ZNF469: variants seen among roughly 807,000 people sequenced by gnomAD.
The protein encoded by ZNF469 is zinc finger protein 469.
Under a neutral mutation model 1.0 loss-of-function variants are expected in ZNF469, and 1 was observed. That is an observed-to-expected ratio of 1.00 (90% CI 0.35 to 4.73). The LOEUF (loss-of-function observed/expected upper bound fraction) is 4.73. Ranked by LOEUF, ZNF469 falls within the 30% of genes most tolerant of loss-of-function variation. The pLI is 0.16. For synonymous variants in ZNF469, 2,703 were observed against 2,363.4 expected (o/e 1.14, Z -4.17); for missense variants, 6,100 against 5,356.3 (o/e 1.14, Z -4.33).
At chr16:88,168,126 G>A in the ZNF469 span, among the ~76,000 whole-genome samples, 1 of 152,182 alleles carries the variant, frequency 6.6e-6, no homozygotes, top group African/African-American at 2.4e-5. This position sits in a 1 kb window ranked among gnomAD's most constrained non-coding sequence, Gnocchi z 4.3. Flanking sequence ...AATTGGCACC[G>A]GGGTAGCCTT....
At chr16:88,210,319 A>G in the ZNF469 span, among the ~76,000 whole-genome samples, 1 of 151,718 alleles carries the variant, frequency 6.6e-6, no homozygotes, top group African/African-American at 2.4e-5. Flanking sequence ...TGTTATAAAT[A>G]TTTCTCCTAA....
the ZNF469 span, among the ~76,000 whole-genome samples, chr16:88,322,366 G>A: frequency 6.6e-6 from 1 of 152,356 alleles, no homozygotes; most frequent in South Asian, 2.1e-4. Context: ...CTGCGAGGCT[G>A]GGAGGCAATG....
the ZNF469 span, among the ~76,000 whole-genome samples, chr16:88,321,700 C>A: frequency 6.6e-6 from 1 of 151,818 alleles, no homozygotes; most frequent in Non-Finnish European, 1.5e-5. Context: ...GCCTCAGATT[C>A]TGCATGTAAG....
At chr16:88,406,560 A>G (rs1905034618) in intron 1 of ZNF469, among the ~76,000 whole-genome samples, 1 of 152,162 alleles carries the variant, frequency 6.6e-6, no homozygotes, top group South Asian at 2.1e-4. Context: ...TCTCATTACA[A>G]AAGCTGTCCC....
At chr16:88,268,538 C>G in the ZNF469 span, among the ~76,000 whole-genome samples, 1 of 152,170 alleles carries the variant, frequency 6.6e-6, no homozygotes, top group Admixed American at 6.5e-5. Context: ...AATTTGAGTT[C>G]TCCTGGCGTT....
At chr16:88,292,888 C>T in the ZNF469 span, among the ~76,000 whole-genome samples, 6 of 151,350 alleles carry the variant, frequency 4.0e-5, no homozygotes, top group Admixed American at 6.6e-5. Context: ...GATCCTTTAT[C>T]GGACACTGGT....
At chr16:88,168,920 A>ACC in the ZNF469 span, among the ~76,000 whole-genome samples, 819 of 150,400 alleles carry the variant, frequency 5.4e-3, 7 homozygotes, top group African/African-American at 0.019. This position sits in a 1 kb window ranked among gnomAD's most constrained non-coding sequence, Gnocchi z 4.3. Context: ...ACATAGTGAG[A>ACC]CCCCCCCCTC....
chr16:88,160,722 G>C, the ZNF469 span, among the ~76,000 whole-genome samples: 1 of 152,230 alleles, frequency 6.6e-6, no homozygotes, highest in Admixed American at 6.5e-5. Context: ...TCCCGTTGGT[G>C]GTGGGAGAGG....
At chr16:88,141,214 C>T in the ZNF469 span, among the ~76,000 whole-genome samples, 1 of 152,238 alleles carries the variant, frequency 6.6e-6, no homozygotes, top group Non-Finnish European at 1.5e-5. Context: ...AAAAGACTTT[C>T]TACCCCAAAT....
the ZNF469 span, among the ~76,000 whole-genome samples, chr16:88,163,652 GGATA>G: frequency 1.4e-5 from 2 of 139,952 alleles, no homozygotes; most frequent in East Asian, 2.2e-4. Context: ...ATGGATGGAT[GGATA>G]GTTGGGTAGA....
intron 1 of ZNF469, among the ~76,000 whole-genome samples, chr16:88,385,722 G>A (rs2092535510): frequency 6.6e-6 from 1 of 152,122 alleles, no homozygotes; most frequent in Non-Finnish European, 1.5e-5. Flanking sequence ...GAATGCCTGT[G>A]TAGTAGTTAA....
chr16:88,134,735 G>A, the ZNF469 span, among the ~76,000 whole-genome samples: 1 of 152,236 alleles, frequency 6.6e-6, no homozygotes, highest in Non-Finnish European at 1.5e-5. Flanking sequence ...TCTGGCAGGT[G>A]GCCTGGGCCT....
rs561120756 is a variant in ZNF469, at chr16:88,412,985, C to T, written c.-191-11822C>T. On this transcript the variant is annotated intron_variant, in intron 1 of 2. Transcript: ENST00000565624. ...TCCAACTGTGGGCATGGGAGCCCTG[C>T]GACCCCCACCTGAGTGGGAGGGTCA... Among the ~76,000 whole-genome samples, 6 of 152,106 alleles carry T rather than the reference C, an allele frequency of 3.9e-5. No homozygotes were observed. In the East Asian group the frequency reaches 9.7e-4, roughly 25 times the overall value.
chr16:88,263,574 C>T, the ZNF469 span, among the ~76,000 whole-genome samples: 1 of 152,162 alleles, frequency 6.6e-6, no homozygotes, highest in Non-Finnish European at 1.5e-5. Context: ...GTGGGCAAAT[C>T]CCTGGGACCT....
chr16:88,262,895 G>A, the ZNF469 span, among the ~76,000 whole-genome samples: 1 of 152,280 alleles, frequency 6.6e-6, no homozygotes, highest in East Asian at 1.9e-4. The surrounding 1 kb of genome is among the most constrained non-coding windows in gnomAD (Gnocchi z 4.3). Flanking sequence ...CTGTGGTGGC[G>A]TGACCCCCAC....
At chr16:88,381,021 G>C (rs1380945670), upstream of ZNF469, among the ~76,000 whole-genome samples, 122 of 81,922 alleles carry the variant, frequency 1.5e-3, 1 homozygote, top group African/African-American at 3.7e-3. Flanking sequence ...TGCGCTCACA[G>C]ACATGCACTC....
the ZNF469 span, among the ~76,000 whole-genome samples, chr16:88,114,264 C>T: frequency 6.1e-3 from 715 of 117,358 alleles, 25 homozygotes; most frequent in African/African-American, 0.022. Flanking sequence ...CGGGTGTCTC[C>T]GGGGAGAATG....
rs1906708009 is a variant in ZNF469, at chr16:88,437,837, C to T, written c.10367C>T (p.Pro3456Leu). Residue 3456 changes from proline to leucine, a missense_variant, in exon 3 of 3, where the codon CCG becomes CTG. Transcript: ENST00000565624. ...QPFAFRGVRRPGAPGQKARAL... is the reference protein window; with the variant it reads ...QPFAFRGVRRLGAPGQKARAL... Reference sequence around the variant, plus strand: ...TTCGCGTTCCGCGGCGTGCGGAGGCCGGGAGCGCCGGGACAGAAGGCCCGG... The same window carrying T: ...TTCGCGTTCCGCGGCGTGCGGAGGCTGGGAGCGCCGGGACAGAAGGCCCGG... 6.5e-7 allele frequency: 1 copy of T among 1,540,754 alleles called. No homozygotes were observed. Among genetic ancestry groups the T allele is most frequent in the East Asian group, 2.5e-5 (1 of 40,610 alleles).
chr16:88,176,154 G>A, the ZNF469 span, among the ~76,000 whole-genome samples: 1,034 of 151,504 alleles, frequency 6.8e-3, 16 homozygotes, highest in African/African-American at 0.024. Context: ...TGCACCCACC[G>A]AAGCTCATAA....
Sources: allele counts gnomAD v4.1 joint callset (sites outside exome capture counted in the v4.1 genomes callset), GRCh38; gene constraint gnomAD v4.1.1; non-coding constraint Gnocchi (gnomAD v3.1); transcripts MANE v1.5; gene names NCBI Gene and HGNC (gene_info 2026-07-23, HGNC 2026-07-21).